CSRNP3: variants seen among roughly 807,000 people sequenced by gnomAD.
CSRNP3 encodes the protein cysteine and serine rich nuclear protein 3, also known as cysteine/serine-rich nuclear protein 3.
CSRNP3 carries 12 observed loss-of-function variants against 48.0 expected under a neutral mutation model. That is an observed-to-expected ratio of 0.25 (90% CI 0.16 to 0.41). The LOEUF is 0.41. Among genes scored for constraint, CSRNP3 ranks in the 10% least tolerant of loss-of-function variants. The pLI, the probability that CSRNP3 is intolerant of heterozygous loss-of-function variation, is 1.00. For synonymous variants in CSRNP3, 263 were observed against 269.7 expected (o/e 0.98, Z 0.24); for missense variants, 580 against 724.4 (o/e 0.80, Z 2.29).
At chr2:165,596,135 ATTTT>A (rs11317294) in intron 4 of CSRNP3, among the ~76,000 whole-genome samples, 7 of 120,506 alleles carry the variant, frequency 5.8e-5, no homozygotes, top group Admixed American at 1.7e-4. Flanking sequence ...TTTCTTTTTG[ATTTT>A]TTTTTTTTTT....
chr2:165,508,691 C>A (rs979869345), intron 2 of CSRNP3, among the ~76,000 whole-genome samples: 2 of 152,100 alleles, frequency 1.3e-5, no homozygotes, highest in African/African-American at 4.8e-5. Flanking sequence ...AAAAACAGAT[C>A]ATATCTATAC....
In CSRNP3 at chr2:165,673,131, CTTTTTTTTTTTT is replaced by C. The variant is rs3032370; in HGVS notation, c.409-3168_409-3157del. Among the ~76,000 whole-genome samples, 4 of 67,124 alleles carry C rather than the reference CTTTTTTTTTTTT, an allele frequency of 6.0e-5. 1 individual carries two copies. Among genetic ancestry groups the C allele is most frequent in the South Asian group, 1.3e-3 (2 of 1,508 alleles). The allele number at this position is 67,124 out of a possible 152,430, so 44.0% of individuals were successfully genotyped here. A position where few individuals can be genotyped will look rare whatever the true frequency, so the allele number is the denominator to read the frequency against. ...AGCAAGAGTGAAACAGTATGTAGCTCTTTTTTTTTTTTTTTTTTTTTTTTGAGACAGGGCATC... is the reference window on the plus strand; with the variant it reads ...AGCAAGAGTGAAACAGTATGTAGCTCTTTTTTTTTTTTGAGACAGGGCATC... On this transcript the variant is annotated intron_variant, in intron 5 of 6. Coordinates refer to ENST00000651982, the MANE Select transcript of CSRNP3 (RefSeq NM_001172173.2).
At chr2:165,586,694 T>C (rs531995278) in intron 3 of CSRNP3, among the ~76,000 whole-genome samples, 1 of 152,058 alleles carries the variant, frequency 6.6e-6, no homozygotes, top group South Asian at 2.1e-4. Context: ...GGGCAAAATA[T>C]AAGAAGAAAA....
chr2:165,471,315 T>A, intron 1 of CSRNP3, among the ~76,000 whole-genome samples: 1 of 152,124 alleles, frequency 6.6e-6, no homozygotes, highest in East Asian at 1.9e-4. Flanking sequence ...ATCTTTCCGA[T>A]TTTGTTTTTT....
intron 3 of CSRNP3, among the ~76,000 whole-genome samples, chr2:165,555,266 C>A (rs1346847721): frequency 6.6e-6 from 1 of 152,170 alleles, no homozygotes; most frequent in Admixed American, 6.5e-5. Context: ...TCTCCCACTT[C>A]CACCAGAATG....
chr2:165,493,379 C>A (rs1477450115), intron 1 of CSRNP3, among the ~76,000 whole-genome samples: 1 of 152,084 alleles, frequency 6.6e-6, no homozygotes, highest in Non-Finnish European at 1.5e-5. Flanking sequence ...CATCTCTAGT[C>A]AAGAGGGTTT....
chr2:165,679,720 C>G lies in CSRNP3; in HGVS notation c.1725C>G (p.Ile575Met), dbSNP rs1246159875. ...AGAGCATATTGCATGAAGAGTGCATCAAATCACCCGTGGTTGAGACAGTCC... is the reference window on the plus strand; with the variant it reads ...AGAGCATATTGCATGAAGAGTGCATGAAATCACCCGTGGTTGAGACAGTCC... Reference protein sequence around the residue: ...AEKSILHEECIKSPVVETVPV With the variant: ...AEKSILHEECMKSPVVETVPV Residue 575 changes from isoleucine to methionine, a missense_variant, in exon 7 of 7, where the codon ATC (isoleucine) becomes ATG (methionine). Transcript: ENST00000651982. 1 of 1,613,876 alleles carries G rather than the reference C, an allele frequency of 6.2e-7. No homozygotes were observed. Among genetic ancestry groups the G allele is most frequent in the Non-Finnish European group, 8.5e-7 (1 of 1,179,894 alleles).
chr2:165,599,570 C>G (rs1345823017), intron 4 of CSRNP3, among the ~76,000 whole-genome samples: 1 of 152,110 alleles, frequency 6.6e-6, no homozygotes, highest in African/African-American at 2.4e-5. Context: ...GGATTACAGG[C>G]AAGAGCCACC....
At chr2:165,665,707 C>A (rs1366490666) in intron 5 of CSRNP3, among the ~76,000 whole-genome samples, 1 of 149,660 alleles carries the variant, frequency 6.7e-6, no homozygotes, top group African/African-American at 2.5e-5. Context: ...TTGCAGTGAG[C>A]TATGATTGTG....
chr2:165,565,186 G>A (rs1339527458), intron 3 of CSRNP3, among the ~76,000 whole-genome samples: 1 of 152,026 alleles, frequency 6.6e-6, no homozygotes, highest in Non-Finnish European at 1.5e-5. Flanking sequence ...GTTATCAGGG[G>A]CCATAATATT....
In CSRNP3 at chr2:165,533,413, A is replaced by G. The variant is rs569271715; in HGVS notation, c.-24+15452A>G. ...CTTTGAAAGCCAATCCTCCATTTAC[A>G]CTGTAGCAATGGGAATCCCTTACTT... On this transcript the variant is annotated intron_variant, in intron 3 of 6. Coordinates refer to ENST00000651982, the MANE Select transcript of CSRNP3 (RefSeq NM_001172173.2). Among the ~76,000 whole-genome samples, 146 of 152,172 alleles carry G rather than the reference A, an allele frequency of 9.6e-4. 2 individuals carry two copies. The highest frequency in any genetic ancestry group is 3.3e-3 in the African/African-American group (138 of 41,538).
chr2:165,517,231 G>A (rs1025896909), intron 2 of CSRNP3, among the ~76,000 whole-genome samples: 2 of 151,964 alleles, frequency 1.3e-5, no homozygotes, highest in African/African-American at 4.8e-5. Flanking sequence ...TTCATCATCT[G>A]TCTAAATGGT....
At chr2:165,477,313 G>A (rs750990456) in intron 1 of CSRNP3, among the ~76,000 whole-genome samples, 65 of 151,200 alleles carry the variant, frequency 4.3e-4, no homozygotes, top group Admixed American at 2.2e-3. Flanking sequence ...TTTAACGAAG[G>A]GTATGTAATA....
intron 3 of CSRNP3, among the ~76,000 whole-genome samples, chr2:165,589,860 C>T (rs1004729352): frequency 6.6e-6 from 1 of 152,118 alleles, no homozygotes; most frequent in Non-Finnish European, 1.5e-5. Flanking sequence ...GAGAAGTCTA[C>T]CTTTCCTAAA....
intron 3 of CSRNP3, among the ~76,000 whole-genome samples, chr2:165,572,976 G>T (rs974130268): frequency 6.6e-6 from 1 of 151,974 alleles, no homozygotes; most frequent in Non-Finnish European, 1.5e-5. Flanking sequence ...TAGTTTACAT[G>T]TCTTATAAAT....
Position 165,507,726 on chromosome 2 carries a change from G to A in CSRNP3, c.-112-10147G>A, listed in dbSNP as rs78523429. Among the ~76,000 whole-genome samples the A allele has an allele frequency of 1.4e-3, 212 of 152,258 alleles. 3 individuals are homozygous for A. The East Asian group carries it at 0.037, about 27-fold the overall frequency. Reference sequence around the variant, plus strand: ...CCTTCTGTCTGCCACAACATGCAATGCTTCTGGGGCGTAATGAAAGTACTT... The same window carrying A: ...CCTTCTGTCTGCCACAACATGCAATACTTCTGGGGCGTAATGAAAGTACTT... On this transcript the variant is annotated intron_variant, in intron 2 of 6. Coordinates refer to ENST00000651982, the MANE Select transcript of CSRNP3 (RefSeq NM_001172173.2).
At chr2:165,588,681 G>A (rs868139502) in intron 3 of CSRNP3, among the ~76,000 whole-genome samples, 50 of 152,156 alleles carry the variant, frequency 3.3e-4, no homozygotes, top group African/African-American at 1.1e-3. Context: ...AGGGCCAGGC[G>A]TGGTGGCTGA....
chr2:165,658,162 C>A, intron 5 of CSRNP3, 142 bp downstream of exon 5: 3 of 888,178 alleles, frequency 3.4e-6, no homozygotes, highest in Admixed American at 2.9e-5. Flanking sequence ...TAAAGCAAAA[C>A]GATATAGTCT....
chr2:165,648,601 G>A (rs1352540038), intron 4 of CSRNP3, among the ~76,000 whole-genome samples: 2 of 151,916 alleles, frequency 1.3e-5, no homozygotes, highest in African/African-American at 4.8e-5. Context: ...TTTAAAATAT[G>A]GTATGTCTTG....
Sources: allele counts gnomAD v4.1 joint callset (sites outside exome capture counted in the v4.1 genomes callset), GRCh38; gene constraint gnomAD v4.1.1; transcripts MANE v1.5; gene names NCBI Gene and HGNC (gene_info 2026-07-23, HGNC 2026-07-21).